MPPED2: variants seen among roughly 807,000 people sequenced by gnomAD.
MPPED2 encodes metallophosphoesterase MPPED2.
Under a neutral mutation model 33.0 loss-of-function variants are expected in MPPED2, and 5 were observed. That is an observed-to-expected ratio of 0.15 (90% confidence interval 0.08 to 0.32). The LOEUF is 0.32. Ranked by LOEUF, MPPED2 falls within the 10% of genes least tolerant of loss-of-function variation. MPPED2 has a pLI of 1.00. For synonymous variants in MPPED2, 136 were observed against 141.9 expected, an observed-to-expected ratio of 0.96 and a Z score of 0.29; for missense variants, 275 against 372.1, an observed-to-expected ratio of 0.74 and a Z score of 2.15.
chr11:30,472,945 C>G (rs763600238), intron 4 of MPPED2, among the ~76,000 whole-genome samples: 9 of 152,150 alleles, frequency 5.9e-5, no homozygotes, highest in South Asian at 4.1e-4. Context: ...TCAAAAATAT[C>G]AAAGTGCATA....
chr11:30,440,284 C>T (rs1200020500), intron 4 of MPPED2, among the ~76,000 whole-genome samples: 6 of 151,292 alleles, frequency 4.0e-5, no homozygotes, highest in African/African-American at 1.5e-4. Flanking sequence ...GAGCCGAGGT[C>T]GCGCCACTGC....
At chr11:30,439,608 A>C (rs188243208) in intron 4 of MPPED2, among the ~76,000 whole-genome samples, 1 of 152,294 alleles carries the variant, frequency 6.6e-6, no homozygotes, top group East Asian at 1.9e-4. Context: ...AGTGAGGAGA[A>C]GGTAAAGCAT....
chr11:30,435,418 C>T (rs953201871), intron 4 of MPPED2, among the ~76,000 whole-genome samples: 3 of 152,150 alleles, frequency 2.0e-5, no homozygotes, highest in African/African-American at 7.2e-5. Context: ...TACTGGCTTT[C>T]CCTGAAACAG....
intron 4 of MPPED2, among the ~76,000 whole-genome samples, chr11:30,478,454 T>C (rs1022190776): frequency 6.6e-6 from 1 of 152,046 alleles, no homozygotes; most frequent in African/African-American, 2.4e-5. Flanking sequence ...AAACACAAAT[T>C]ATTGTCAATG....
chr11:30,552,362 T>C (rs1955758154), intron 2 of MPPED2, among the ~76,000 whole-genome samples: 1 of 152,194 alleles, frequency 6.6e-6, no homozygotes, highest in Non-Finnish European at 1.5e-5. Flanking sequence ...ACCCTAGTTA[T>C]GTAATATATG....
chr11:30,579,727 T>C (rs761650393), intron 2 of MPPED2, among the ~76,000 whole-genome samples: 45 of 151,876 alleles, frequency 3.0e-4, no homozygotes, highest in Non-Finnish European at 5.9e-4. Flanking sequence ...CACGTTTCAC[T>C]AGCAACAGGC....
At chr11:30,580,186 C>CT in intron 2 of MPPED2, 60 bp downstream of exon 2, 11 of 1,545,592 alleles carry the variant, frequency 7.1e-6, no homozygotes, top group South Asian at 5.8e-5. Flanking sequence ...GAATGCTTTT[C>CT]TTTTTTTTCT....
intron 4 of MPPED2, among the ~76,000 whole-genome samples, chr11:30,471,980 A>G (rs1158425327): frequency 6.6e-6 from 1 of 151,200 alleles, no homozygotes; most frequent in Non-Finnish European, 1.5e-5. Flanking sequence ...CAGGGTTGCT[A>G]AAGTCAAAGC....
At chr11:30,574,917 A>C (rs954422959) in intron 2 of MPPED2, among the ~76,000 whole-genome samples, 1 of 152,192 alleles carries the variant, frequency 6.6e-6, no homozygotes, top group African/African-American at 2.4e-5. Context: ...TTCCCTAAAA[A>C]TCACCAGTAA....
chr11:30,489,675 G>A (rs1473828336), intron 4 of MPPED2, among the ~76,000 whole-genome samples: 4 of 152,138 alleles, frequency 2.6e-5, no homozygotes, highest in Non-Finnish European at 1.5e-5. Context: ...CCACTCTAAC[G>A]TGAAAAAATG....
intron 4 of MPPED2, among the ~76,000 whole-genome samples, chr11:30,440,356 G>A (rs1949515011): frequency 6.6e-6 from 1 of 152,028 alleles, no homozygotes. Context: ...GTTTTACTGG[G>A]ACACAGCTAT....
At chr11:30,461,782 G>T (rs2134005865) in intron 4 of MPPED2, among the ~76,000 whole-genome samples, 1 of 152,264 alleles carries the variant, frequency 6.6e-6, no homozygotes, top group South Asian at 2.1e-4. Context: ...AGATATTTAA[G>T]CAAAATTCAT....
At chr11:30,485,865 A>G (rs1264545273) in intron 4 of MPPED2, among the ~76,000 whole-genome samples, 1 of 152,194 alleles carries the variant, frequency 6.6e-6, no homozygotes, top group Non-Finnish European at 1.5e-5. Context: ...TTGCTCTCAC[A>G]AAACAGCCTA....
At chr11:30,576,056 A>G (rs1453501919) in intron 2 of MPPED2, among the ~76,000 whole-genome samples, 2 of 152,220 alleles carry the variant, frequency 1.3e-5, no homozygotes, top group East Asian at 1.9e-4. Flanking sequence ...ATTATTAATG[A>G]TAACAGCTAA....
intron 2 of MPPED2, among the ~76,000 whole-genome samples, chr11:30,540,960 T>C (rs1955073223): frequency 6.6e-6 from 1 of 152,204 alleles, no homozygotes; most frequent in African/African-American, 2.4e-5. Context: ...ACAATTTCAC[T>C]GGGGAGAATC....
At chr11:30,567,633 A>G (rs1956503432) in intron 2 of MPPED2, among the ~76,000 whole-genome samples, 1 of 152,242 alleles carries the variant, frequency 6.6e-6, no homozygotes, top group South Asian at 2.1e-4. Context: ...AGTAGTGCCC[A>G]AGCACTTATC....
chr11:30,485,919 G>A (rs1369993891), intron 4 of MPPED2, among the ~76,000 whole-genome samples: 2 of 152,114 alleles, frequency 1.3e-5, no homozygotes, highest in African/African-American at 4.8e-5. Flanking sequence ...AACACAACAT[G>A]GCTCTGATTA....
chr11:30,461,592 C>T (rs1213033405), intron 4 of MPPED2, among the ~76,000 whole-genome samples: 1 of 152,084 alleles, frequency 6.6e-6, no homozygotes, highest in African/African-American at 2.4e-5. Flanking sequence ...GTCCCAAAGA[C>T]TGTCAGGCCT....
At chr11:30,579,002 CTTT>C (rs57264756) in intron 2 of MPPED2, among the ~76,000 whole-genome samples, 26,546 of 140,990 alleles carry the variant, frequency 0.19, 2,693 homozygotes, top group South Asian at 0.28. Context: ...TTGTCTTTTC[CTTT>C]TTTTTTTTTT....
Sources: allele counts gnomAD v4.1 joint callset (sites outside exome capture counted in the v4.1 genomes callset), GRCh38; gene constraint gnomAD v4.1.1; transcripts MANE v1.5; gene names NCBI Gene and HGNC (gene_info 2026-07-23, HGNC 2026-07-21).